Variants in CSNK1D observed in about 807,000 individuals in gnomAD.
CSNK1D encodes the protein casein kinase 1 delta, also known as casein kinase I isoform delta.
A neutral mutation model predicts 46.6 loss-of-function variants in CSNK1D; 16 were observed. The ratio of observed to expected loss-of-function variants is 0.34; its 90% CI spans 0.23 to 0.52. The LOEUF (loss-of-function observed/expected upper bound fraction) is 0.52, where lower values mean the gene tolerates loss of function less well. Ranked by LOEUF, CSNK1D falls within the 20% of genes least tolerant of loss-of-function variation. The pLI, the probability that CSNK1D is intolerant of heterozygous loss-of-function variation, is 0.95. For synonymous variants in CSNK1D, 276 were observed against 228.2 expected, an observed-to-expected ratio of 1.21 and a Z score of -1.89; for missense variants, 398 against 578.4, an observed-to-expected ratio of 0.69 and a Z score of 3.20.
In CSNK1D at chr17:82,250,044, C is replaced by T; in HGVS notation, c.886-442G>A. On this transcript the variant is annotated intron_variant, in intron 6 of 8. Coordinates refer to ENST00000314028, the MANE Select transcript of CSNK1D (RefSeq NM_001893.6). The surrounding 1 kb of genome is among the most constrained non-coding windows in gnomAD (Gnocchi z 4.6). ...AGCGTTTGGTCGGACGAGGAGTACA[C>T]TCAGGGTCCGGACCCTGCAGCCTCC... 7.9e-7 allele frequency: 1 copy of T among 1,266,268 alleles called. No individual in the cohort carries two copies. The highest frequency in any genetic ancestry group is 1.0e-6 in the Non-Finnish European group (1 of 975,224). The allele number at this position is 1,266,268 out of a possible 1,614,324, so 78.4% of individuals were successfully genotyped here. A position where few individuals can be genotyped will look rare whatever the true frequency, so the allele number is the denominator to read the frequency against.
rs1296579548 is a variant in CSNK1D at position 82,249,510 on chromosome 17, G to A, written c.978C>T (p.Leu326=). The A allele has an allele frequency of 1.3e-6, 2 of 1,544,256 alleles. No individual in the cohort carries two copies. Among genetic ancestry groups the A allele is most frequent in the Non-Finnish European group, 1.7e-6 (2 of 1,146,866 alleles). ...GCAGGCGGCCGGAGGCTGTGGAAGGGAGGCCGCGGGTAGCCGGGTTCCGCG... is the reference window on the plus strand; with the variant it reads ...GCAGGCGGCCGGAGGCTGTGGAAGGAAGGCCGCGGGTAGCCGGGTTCCGCG... ...RHSRNPATRG[L]PSTASGRLRG... The change falls in exon 7 of 9, where the codon CTC becomes CTT. Residue 326 remains leucine (L), a synonymous_variant. Transcript: ENST00000314028. This position sits in a 1 kb window ranked among gnomAD's most constrained non-coding sequence, Gnocchi z 6.7.
downstream of CSNK1D, among the ~76,000 whole-genome samples, chr17:82,242,275 G>A (rs116283308): frequency 0.012 from 1,899 of 152,146 alleles, 47 homozygotes; most frequent in African/African-American, 0.043. Flanking sequence ...GGCAGCTCCT[G>A]GGCTTCAACA....
Position 82,252,680 on chromosome 17 carries a change from C to A in CSNK1D, c.566-76G>T. The A allele has an allele frequency of 6.9e-7, 1 of 1,442,292 alleles. No homozygotes were observed. The allele number at this position is 1,442,292 out of a possible 1,614,324, so 89.3% of individuals were successfully genotyped here. On this transcript the variant is annotated intron_variant, in intron 4 of 8. Coordinates refer to ENST00000314028, the MANE Select transcript of CSNK1D (RefSeq NM_001893.6). This position sits in a 1 kb window ranked among gnomAD's most constrained non-coding sequence, Gnocchi z 4.6. ...AAAGCAAAAGACCCGGCTGGCCGTT[C>A]CAGTGGAGACTAGCCTCAGACACAC...
chr17:82,255,421 G>C lies in CSNK1D; in HGVS notation c.336+8C>G, dbSNP rs764529977. 1 of 1,614,170 alleles carries C rather than the reference G, an allele frequency of 6.2e-7. No homozygotes were observed. On this transcript the variant is annotated splice_region_variant and intron_variant, in intron 3 of 8. Transcript: ENST00000314028. This position sits in a 1 kb window ranked among gnomAD's most constrained non-coding sequence, Gnocchi z 5.9. ...AGTGTGTGCCAACTGTCAGGAAACA[G>C]TCCTTACCATTTGGTCAGCAAGCAG...
chr17:82,273,520 T>A lies in CSNK1D; in HGVS notation c.-139A>T. ...TCACGGCCCCGCTTTCACCATCGCT[T>A]TCCTGTCGCCCCGCCGCTCCCAGCG... On this transcript the variant is annotated 5_prime_UTR_variant, in exon 1 of 9. Coordinates refer to ENST00000314028, the MANE Select transcript of CSNK1D (RefSeq NM_001893.6). This position sits in a 1 kb window ranked among gnomAD's most constrained non-coding sequence, Gnocchi z 5.1. 1 of 1,050,726 alleles carries A rather than the reference T, an allele frequency of 9.5e-7. No individual in the cohort carries two copies. Among genetic ancestry groups the A allele is most frequent in the Non-Finnish European group, 1.4e-6 (1 of 722,314 alleles). The allele number at this position is 1,050,726 out of a possible 1,614,324, so 65.1% of individuals were successfully genotyped here.
chr17:82,252,561 T>C lies in CSNK1D; in HGVS notation c.609A>G (p.Leu203=). ...GGAGAGAGCCCAGGTTGAAGTACAT[T>C]AGCACGTAGCCCAGAGACTCCAAGT... is the stretch of plus-strand genomic sequence containing the variant. ...RDDLESLGYV[L]MYFNLGSLPW... The change falls in exon 5 of 9, where the codon CTA becomes CTG. Residue 203 remains leucine (L), a synonymous_variant. Coordinates refer to ENST00000314028, the MANE Select transcript of CSNK1D (RefSeq NM_001893.6). The surrounding 1 kb of genome is among the most constrained non-coding windows in gnomAD (Gnocchi z 4.6). 6.2e-7 allele frequency: 1 copy of C among 1,614,020 alleles called. No homozygotes were observed. The highest frequency in any genetic ancestry group is 8.5e-7 in the Non-Finnish European group (1 of 1,180,016).
At position 82,250,317 on chromosome 17, in the gene CSNK1D, AG is replaced by A. The variant is rs2050969475; in HGVS notation, c.886-716del. 1 of 707,474 alleles carries A rather than the reference AG, an allele frequency of 1.4e-6. No homozygotes were observed. Among genetic ancestry groups the A allele is most frequent in the African/African-American group, 1.8e-5 (1 of 54,402 alleles). The allele number at this position is 707,474 out of a possible 1,614,324, so 43.8% of individuals were successfully genotyped here. On this transcript the variant is annotated intron_variant, in intron 6 of 8. Transcript: ENST00000314028. The surrounding 1 kb of genome is among the most constrained non-coding windows in gnomAD (Gnocchi z 4.6). Reference sequence around the variant, plus strand: ...CAGCCACGTTCACCAGGCAACACACAGACCGACACACCTGCGGCTGCAGCAC... The same window carrying A: ...CAGCCACGTTCACCAGGCAACACACAACCGACACACCTGCGGCTGCAGCAC...
intron 1 of CSNK1D, among the ~76,000 whole-genome samples, chr17:82,269,760 T>A (rs1485449228): frequency 1.3e-5 from 2 of 152,242 alleles, no homozygotes; most frequent in African/African-American, 4.8e-5. Flanking sequence ...ACTGCCTCTC[T>A]GCATGGGCCG....
Position 82,249,548 on chromosome 17 carries a change from G to T in CSNK1D, c.940C>A (p.Arg314=). The T allele has an allele frequency of 6.5e-7, 1 of 1,548,432 alleles. No individual in the cohort carries two copies. The stretch of plus-strand genomic sequence containing the variant: ...GCCGGGTTCCGCGAGTGTCTCAGCC[G>T]CTCCTCTCGGTCCCTGCGCTCCCGC... ...AERERRDREE[R]LRHSRNPATR... The change falls in exon 7 of 9, where the codon CGG becomes AGG. Residue 314 remains arginine (R), a synonymous_variant. Coordinates refer to ENST00000314028, the MANE Select transcript of CSNK1D (RefSeq NM_001893.6). The surrounding 1 kb of genome is among the most constrained non-coding windows in gnomAD (Gnocchi z 6.7).
intron 1 of CSNK1D, among the ~76,000 whole-genome samples, chr17:82,267,420 G>T (rs1044337626): frequency 2.0e-5 from 3 of 152,134 alleles, no homozygotes; most frequent in African/African-American, 7.2e-5. Flanking sequence ...GAAGCCCCTC[G>T]TCTGCCCAGA....
Position 82,251,127 on chromosome 17 carries a change from G to A in CSNK1D, c.885+252C>T. The A allele has an allele frequency of 2.0e-6, 1 of 498,952 alleles. No individual in the cohort carries two copies. The highest frequency in any genetic ancestry group is 5.6e-4 in the Middle Eastern group (1 of 1,772). The allele number at this position is 498,952 out of a possible 1,614,324, so 30.9% of individuals were successfully genotyped here. Reference sequence around the variant, plus strand: ...TCCGCTTGGTGACAGGGAGGGAAGGGGCCTCCTGCTGTCCACACCCAGGAA... The same window carrying A: ...TCCGCTTGGTGACAGGGAGGGAAGGAGCCTCCTGCTGTCCACACCCAGGAA... On this transcript the variant is annotated intron_variant, in intron 6 of 8. Transcript: ENST00000314028. This position sits in a 1 kb window ranked among gnomAD's most constrained non-coding sequence, Gnocchi z 4.5.
chr17:82,264,465 G>A (rs551249250), intron 2 of CSNK1D, among the ~76,000 whole-genome samples: 52 of 152,176 alleles, frequency 3.4e-4, no homozygotes, highest in Non-Finnish European at 2.4e-4. Flanking sequence ...GGACAGGAGC[G>A]CTCTGCTCCA....
At position 82,254,803 on chromosome 17, in the gene CSNK1D, G is replaced by A. The variant is rs1164126398; in HGVS notation, c.336+626C>T. 1.8e-5 allele frequency: 5 copies of A among 272,892 alleles called. No individual in the cohort carries two copies. In the East Asian group the frequency reaches 4.4e-4, roughly 24 times the overall value. 16.9% of individuals were successfully genotyped at this position (272,892 alleles called of 1,614,324 possible). ...GAGCCTCGAGAAGCCAGTCAGCTGA[G>A]CCGCCGGGGCCTCGAGAAGCCAGTC... On this transcript the variant is annotated intron_variant, in intron 3 of 8. Transcript: ENST00000314028.
Position 82,243,518 on chromosome 17 carries a change from C to T in CSNK1D, c.*1263G>A. 1 of 985,484 alleles carries T rather than the reference C, an allele frequency of 1.0e-6. No homozygotes were observed. Among genetic ancestry groups the T allele is most frequent in the Non-Finnish European group, 1.2e-6 (1 of 829,976 alleles). The allele number at this position is 985,484 out of a possible 1,614,324, so 61.0% of individuals were successfully genotyped here. A position where few individuals can be genotyped will look rare whatever the true frequency, so the allele number is the denominator to read the frequency against. On this transcript the variant is annotated 3_prime_UTR_variant, in exon 9 of 9. Coordinates refer to ENST00000314028, the MANE Select transcript of CSNK1D (RefSeq NM_001893.6). ...ACCTGCCTTCTGGTGGGACTCGGCC[C>T]CACGCACGCTGCTTCACTTCTGACC...
rs1186446634 is a variant in CSNK1D, at chr17:82,251,286, G to GT, written c.885+92dup. The GT allele has an allele frequency of 4.8e-6, 7 of 1,454,182 alleles. No individual in the cohort carries two copies. The Admixed American group carries it at 5.2e-5, about 11-fold the overall frequency. The allele number at this position is 1,454,182 out of a possible 1,614,324, so 90.1% of individuals were successfully genotyped here. ...CACAACCAGAGACACTCCCTATATG[G>GT]TACAGCCCCTCAACAAGACGGCCGC... is the stretch of plus-strand genomic sequence containing the variant. On this transcript the variant is annotated intron_variant, in intron 6 of 8. Coordinates refer to ENST00000314028, the MANE Select transcript of CSNK1D (RefSeq NM_001893.6). This position sits in a 1 kb window ranked among gnomAD's most constrained non-coding sequence, Gnocchi z 4.5.
rs1361539263 is a variant in CSNK1D at position 82,244,570 on chromosome 17, G to T, written c.*211C>A. The T allele has an allele frequency of 1.4e-5, 21 of 1,488,956 alleles. No homozygotes were observed. The highest frequency in any genetic ancestry group is 1.7e-5 in the Non-Finnish European group (19 of 1,119,612). 92.2% of individuals were successfully genotyped at this position (1,488,956 alleles called of 1,614,324 possible). On this transcript the variant is annotated 3_prime_UTR_variant, in exon 9 of 9. Transcript: ENST00000314028. ...AGCCCCGTTACAACCGAGTTCACGT[G>T]GGGGGCCGCAGTGCAGCCCCAGCGG...
chr17:82,247,078 C>A (rs1215676622), intron 8 of CSNK1D: 19 of 985,490 alleles, frequency 1.9e-5, no homozygotes, highest in Non-Finnish European at 2.3e-5. Flanking sequence ...CCTCAACATG[C>A]CTCTCAGGAA....
rs2051015382 is a variant in CSNK1D at position 82,251,764 on chromosome 17, G to C, written c.737-237C>G. 1.8e-6 allele frequency: 1 copy of C among 551,590 alleles called. No individual in the cohort carries two copies. Among genetic ancestry groups the C allele is most frequent in the Non-Finnish European group, 3.3e-6 (1 of 303,050 alleles). 34.2% of individuals were successfully genotyped at this position (551,590 alleles called of 1,614,324 possible). A position where few individuals can be genotyped will look rare whatever the true frequency, so the allele number is the denominator to read the frequency against. On this transcript the variant is annotated intron_variant, in intron 5 of 8. Coordinates refer to ENST00000314028, the MANE Select transcript of CSNK1D (RefSeq NM_001893.6). The surrounding 1 kb of genome is among the most constrained non-coding windows in gnomAD (Gnocchi z 4.5). ...CCAGCACTCTAGGAGGCTGAGGAGG[G>C]CGGATCACGAGGTCAGGAGATCAAG...
chr17:82,246,997 G>A lies in CSNK1D; in HGVS notation c.1197+1878C>T, dbSNP rs923871517. 34 of 985,494 alleles carry A rather than the reference G, an allele frequency of 3.5e-5. No individual in the cohort carries two copies. The African/African-American group carries it at 5.4e-4, about 16-fold the overall frequency. The allele number at this position is 985,494 out of a possible 1,614,324, so 61.0% of individuals were successfully genotyped here. A position where few individuals can be genotyped will look rare whatever the true frequency, so the allele number is the denominator to read the frequency against. On this transcript the variant is annotated intron_variant, in intron 8 of 8. Coordinates refer to ENST00000314028, the MANE Select transcript of CSNK1D (RefSeq NM_001893.6). ...TGCTGGTGCTGGCAGAGTCTGGCAG[G>A]AAGGACACACGGCCAAAGCCTTCCT... is the stretch of plus-strand genomic sequence containing the variant.
Sources: allele counts gnomAD v4.1 joint callset (sites outside exome capture counted in the v4.1 genomes callset), GRCh38; gene constraint gnomAD v4.1.1; non-coding constraint Gnocchi (gnomAD v3.1); transcripts MANE v1.5; gene names NCBI Gene and HGNC (gene_info 2026-07-23, HGNC 2026-07-21).